Variants in WDR87 observed in about 807,000 individuals in gnomAD.
The protein encoded by WDR87 is WD repeat-containing protein 87.
Under a neutral mutation model 83.3 loss-of-function variants are expected in WDR87, and 56 were observed. The observed-to-expected ratio is 0.67, with a 90% CI of 0.54 to 0.84. The LOEUF is 0.84. Among genes scored for constraint, WDR87 ranks in the 40% least tolerant of loss-of-function variants. WDR87 has a pLI of 0.00. For missense variants in WDR87, 2,939 were observed against 3,431.9 expected, an observed-to-expected ratio of 0.86 and a Z score of 3.59; for synonymous variants, 1,173 against 1,250.6, an observed-to-expected ratio of 0.94 and a Z score of 1.31.
intron 2 of WDR87, among the ~76,000 whole-genome samples, chr19:37,897,238 A>C: frequency 2.5e-5 from 3 of 121,948 alleles, no homozygotes; most frequent in East Asian, 2.4e-4. Flanking sequence ...ACAAGATCTC[A>C]CTCTGTGGCC....
In WDR87 at chr19:37,888,113, T is replaced by G; in HGVS notation, c.5558A>C (p.Gln1853Pro). ...QLIEKKMKLA[Q>P]KRERWINSME... is the part of the protein sequence containing the mutation. ...GCTGTTGATCCATCTTTCCCTTTTTTGGGCCAGTTTCATCTTCTTCTCAAT... is the reference window on the plus strand; with the variant it reads ...GCTGTTGATCCATCTTTCCCTTTTTGGGGCCAGTTTCATCTTCTTCTCAAT... Residue 1853 changes from glutamine to proline, a missense_variant, in exon 6 of 6, where the codon CAA becomes CCA. Gln to Pro is a moderately conservative substitution (Grantham distance 76, BLOSUM62 -1). Around this residue, in one of 3 missense-constraint regions of WDR87, gnomAD observed 2,160 missense variants for 2,533.1 expected, o/e 0.85. Coordinates refer to ENST00000447313, the MANE Select transcript of WDR87 (RefSeq NM_001291088.2). The G allele has an allele frequency of 6.4e-7, 1 of 1,552,062 alleles. No homozygotes were observed. Among genetic ancestry groups the G allele is most frequent in the African/African-American group, 1.4e-5 (1 of 73,148 alleles).
chr19:37,889,144 G>A lies in WDR87; in HGVS notation c.4527C>T (p.Val1509=). Residue 1509 remains valine, a synonymous_variant, in exon 6 of 6, where the codon GTC becomes GTT. Coordinates refer to ENST00000447313, the MANE Select transcript of WDR87 (RefSeq NM_001291088.2). The stretch of plus-strand genomic sequence containing the variant: ...TCCAGGATTTCCTTGTCTCACCATG[G>A]ACCTGTTTCCACTCATCCCAGGCCT... The part of the protein sequence containing the change: ...WKKAWDEWKQ[V]HGETRKSWKA... The A allele has an allele frequency of 1.3e-6, 2 of 1,552,112 alleles. No individual in the cohort carries two copies. Among genetic ancestry groups the A allele is most frequent in the Non-Finnish European group, 1.7e-6 (2 of 1,147,108 alleles).
chr19:37,887,071 A>C lies in WDR87; in HGVS notation c.6600T>G (p.Thr2200=). 6.5e-7 allele frequency: 1 copy of C among 1,550,272 alleles called. No individual in the cohort carries two copies. The highest frequency in any genetic ancestry group is 8.7e-7 in the Non-Finnish European group (1 of 1,146,816). Reference sequence around the variant, plus strand: ...TTCTGGCCAATTTGCTCTCTTCCTCAGTCATTTTTTCTTCTTTGTTTATCA... The same window carrying C: ...TTCTGGCCAATTTGCTCTCTTCCTCCGTCATTTTTTCTTCTTTGTTTATCA... ...RRMINKEEKM[T]EEESKLARKH... The change falls in exon 6 of 6, where the codon ACT becomes ACG. Residue 2200 remains threonine (T), a synonymous_variant. Transcript: ENST00000447313.
Position 37,889,528 on chromosome 19 carries a change from C to T in WDR87, c.4143G>A (p.Val1381=). The change falls in exon 6 of 6, where the codon GTG becomes GTA. Residue 1381 remains valine (V), a synonymous_variant. Coordinates refer to ENST00000447313, the MANE Select transcript of WDR87 (RefSeq NM_001291088.2). ...VTQEVIRHKE[V]MPREEEQAQK... ...GTGCTTGTTCTTCTTCCCTTGGCAT[C>T]ACTTCCTTGTGTCTGATCACCTCTT... The T allele has an allele frequency of 6.4e-6, 10 of 1,551,760 alleles. No individual in the cohort carries two copies. Among genetic ancestry groups the T allele is most frequent in the Non-Finnish European group, 8.7e-6 (10 of 1,147,024 alleles).
Position 37,893,248 on chromosome 19 carries a change from CA to C in WDR87, c.2454del (p.Phe818LeufsTer11). ...YYFGHGREWL[F>X]APDCYIPNSV... ...GAATTGGGGATATAGCAGTCAGGGG[CA>C]AAAAGCCATTCCCGCCCATGACCAA... is the stretch of plus-strand genomic sequence containing the variant. On this transcript the variant is annotated frameshift_variant, in exon 4 of 6. Coordinates refer to ENST00000447313, the MANE Select transcript of WDR87 (RefSeq NM_001291088.2). LOFTEE classifies it high-confidence loss of function. The C allele has an allele frequency of 6.4e-7, 1 of 1,551,834 alleles. No homozygotes were observed. Among genetic ancestry groups the C allele is most frequent in the East Asian group, 2.4e-5 (1 of 40,918 alleles).
intron 4 of WDR87, 113 bp downstream of exon 4, chr19:37,892,465 A>G (rs2046214093): frequency 2.0e-6 from 2 of 1,024,696 alleles, no homozygotes; most frequent in East Asian, 2.6e-5. Flanking sequence ...AGCAAAGGCT[A>G]TGAGAAAGAA....
At position 37,895,144 on chromosome 19, in the gene WDR87, C is replaced by G; in HGVS notation, c.559G>C (p.Ala187Pro). 6.4e-7 allele frequency: 1 copy of G among 1,551,710 alleles called. No individual in the cohort carries two copies. Among genetic ancestry groups the G allele is most frequent in the East Asian group, 2.4e-5 (1 of 40,916 alleles). The change falls in exon 4 of 6, where the codon GCC (alanine) becomes CCC (proline). Residue 187 changes from alanine to proline, a missense_variant. Physicochemically the swap from Ala to Pro is conservative, Grantham distance 27. Transcript: ENST00000447313. ...TCACCTGGCATGGAGACCATGTGGG[C>G]TATTTGGAGGCCCGTGCCACCTAGC... ...IELGGTGLQI[A>P]HMVSMPGDEL... is the part of the protein sequence containing the mutation.
At position 37,893,547 on chromosome 19, in the gene WDR87, A is replaced by T; in HGVS notation, c.2156T>A (p.Ile719Asn). Residue 719 changes from isoleucine (I) to asparagine (N), a missense_variant, in exon 4 of 6, where the codon ATC (isoleucine) becomes AAC (asparagine). This residue lies in a region of WDR87 where 553 missense variants were observed against 577.9 expected (regional missense o/e 0.96). Coordinates refer to ENST00000447313, the MANE Select transcript of WDR87 (RefSeq NM_001291088.2). ...SFETMFVPKY[I>N]YPGQAQQKLV... ...TTTCTGTTGCGCTTGTCCAGGGTAG[A>T]TGTACTTGGGCACAAACATGGTCTC... The T allele has an allele frequency of 6.4e-7, 1 of 1,551,780 alleles. No homozygotes were observed. Among genetic ancestry groups the T allele is most frequent in the Non-Finnish European group, 8.7e-7 (1 of 1,147,036 alleles).
chr19:37,895,217 C>T lies in WDR87; in HGVS notation c.486G>A (p.Lys162=). 6.4e-7 allele frequency: 1 copy of T among 1,551,718 alleles called. No homozygotes were observed. The highest frequency in any genetic ancestry group is 2.4e-5 in the East Asian group (1 of 40,912). The change falls in exon 4 of 6, where the codon AAG becomes AAA. Residue 162 remains lysine (K), a synonymous_variant. Coordinates refer to ENST00000447313, the MANE Select transcript of WDR87 (RefSeq NM_001291088.2). ...CCCCCAGGATGCCAGACAGAAGCAT[C>T]TTCATTTCCGGGTCATAGCAGAGGC... ...ISCLCYDPEM[K]MLLSGILGAV... is the part of the protein sequence containing the mutation.
Position 37,895,234 on chromosome 19 carries a change from A to G in WDR87, c.469T>C (p.Tyr157His), listed in dbSNP as rs2046244349. ...PCRFNISCLC[Y>H]DPEMKMLLSG... ...AGAAGCATCTTCATTTCCGGGTCATAGCAGAGGCAGCTGATGTTGAAGCGG... is the reference window on the plus strand; with the variant it reads ...AGAAGCATCTTCATTTCCGGGTCATGGCAGAGGCAGCTGATGTTGAAGCGG... Residue 157 changes from tyrosine to histidine, a missense_variant, in exon 4 of 6, where the codon TAT becomes CAT. This residue lies in a region of WDR87 where 226 missense variants were observed against 320.9 expected (regional missense o/e 0.70). Coordinates refer to ENST00000447313, the MANE Select transcript of WDR87 (RefSeq NM_001291088.2). The G allele has an allele frequency of 6.4e-7, 1 of 1,551,574 alleles. No homozygotes were observed. Among genetic ancestry groups the G allele is most frequent in the African/African-American group, 1.4e-5 (1 of 73,028 alleles).
intron 1 of WDR87, among the ~76,000 whole-genome samples, chr19:37,904,935 A>G (rs756512704): frequency 1.3e-5 from 2 of 152,134 alleles, no homozygotes; most frequent in Non-Finnish European, 2.9e-5. Flanking sequence ...GATTTTAATT[A>G]ACTTAAATTG....
chr19:37,901,174 TG>T (rs2046291676), intron 1 of WDR87, among the ~76,000 whole-genome samples: 1 of 149,920 alleles, frequency 6.7e-6, no homozygotes. Context: ...GGCTCACGCC[TG>T]TAATCCCAGC....
rs759797892 is a variant in WDR87 at position 37,893,032 on chromosome 19, G to T, written c.2671C>A (p.Leu891Ile). The T allele has an allele frequency of 2.5e-5, 39 of 1,551,750 alleles. No individual in the cohort carries two copies. The highest frequency in any genetic ancestry group is 3.2e-5 in the Non-Finnish European group (37 of 1,147,004). Residue 891 changes from leucine to isoleucine, a missense_variant, in exon 4 of 6, where the codon CTT becomes ATT. Around this residue, in one of 3 missense-constraint regions of WDR87, gnomAD observed 2,160 missense variants for 2,533.1 expected, o/e 0.85. Coordinates refer to ENST00000447313, the MANE Select transcript of WDR87 (RefSeq NM_001291088.2). ...ACACTGTAGGTTACATCCTTGGAAAGTCTCATTTCTAGGAAGTGTTCATCC... is the reference window on the plus strand; with the variant it reads ...ACACTGTAGGTTACATCCTTGGAAATTCTCATTTCTAGGAAGTGTTCATCC... Reference protein sequence around the residue: ...EEDEHFLEMRLSKDVTYSVLT... With the variant: ...EEDEHFLEMRISKDVTYSVLT...
At position 37,892,620 on chromosome 19, in the gene WDR87, AGT is replaced by A; in HGVS notation, c.3081_3082del (p.Leu1029ThrfsTer46). On this transcript the variant is annotated frameshift_variant, in exon 4 of 6. Coordinates refer to ENST00000447313, the MANE Select transcript of WDR87 (RefSeq NM_001291088.2). LOFTEE classifies it high-confidence loss of function. The stretch of plus-strand genomic sequence containing the variant: ...CTCTTGTTTTTGGGTCAGCTGTAAG[AGT>A]GAGGTCCTAGAGTGGATTCCAATCT... The A allele has an allele frequency of 6.5e-7, 1 of 1,527,850 alleles. No individual in the cohort carries two copies. The allele number at this position is 1,527,850 out of a possible 1,614,324, so 94.6% of individuals were successfully genotyped here.
Position 37,895,094 on chromosome 19 carries a change from C to G in WDR87, c.609G>C (p.Leu203=). Residue 203 remains leucine (L), a synonymous_variant, in exon 4 of 6, where the codon CTG becomes CTC. Coordinates refer to ENST00000447313, the MANE Select transcript of WDR87 (RefSeq NM_001291088.2). ...CCAGGAGGGAGCCACTGGGACCATT[C>G]AGCACGATGTCCTGGACAAGCTCAT... ...PGDELVQDIV[L]NGPSGSLLAL... 1 of 1,551,706 alleles carries G rather than the reference C, an allele frequency of 6.4e-7. No individual in the cohort carries two copies. Among genetic ancestry groups the G allele is most frequent in the Non-Finnish European group, 8.7e-7 (1 of 1,146,978 alleles).
Position 37,894,628 on chromosome 19 carries a change from T to G in WDR87, c.1075A>C (p.Asn359His). The G allele has an allele frequency of 6.4e-7, 1 of 1,551,644 alleles. No individual in the cohort carries two copies. Among genetic ancestry groups the G allele is most frequent in the South Asian group, 1.2e-5 (1 of 84,048 alleles). Residue 359 changes from asparagine to histidine, a missense_variant, in exon 4 of 6, where the codon AAT (asparagine) becomes CAT (histidine). Asn to His is a moderately conservative substitution (Grantham distance 68). Transcript: ENST00000447313. ...TGCTGGGGAGCAGAGCCACAGACAT[T>G]GAAGAGGCTGTAGAAGCAGGGCAGG... ...HRLPCFYSLFNVCGSAPQQLR... is the reference protein window; with the variant it reads ...HRLPCFYSLFHVCGSAPQQLR...
At position 37,886,934 on chromosome 19, in the gene WDR87, T is replaced by C. The variant is rs751841470; in HGVS notation, c.6737A>G (p.Asp2246Gly). The change falls in exon 6 of 6, where the codon GAC (aspartate) becomes GGC (glycine). Residue 2246 changes from aspartate (D) to glycine (G), a missense_variant. By Grantham distance (94) the Asp-to-Gly change is moderately conservative (BLOSUM62 -1). Transcript: ENST00000447313. ...WRKRKEAKRGDKPKEKFSSQV... is the reference protein window; with the variant it reads ...WRKRKEAKRGGKPKEKFSSQV... ...ACTGGAAAACTTTTCTTTTGGTTTG[T>C]CACCTCTCTTGGCCTCTTTCCTCTT... The C allele has an allele frequency of 9.7e-6, 15 of 1,551,814 alleles. No individual in the cohort carries two copies. The highest frequency in any genetic ancestry group is 1.3e-5 in the Non-Finnish European group (15 of 1,147,022).
rs1218212675 is a variant in WDR87 at position 37,893,062 on chromosome 19, C to G, written c.2641G>C (p.Glu881Gln). The G allele has an allele frequency of 6.4e-6, 10 of 1,551,636 alleles. No homozygotes were observed. In the Admixed American group the frequency reaches 1.8e-4, roughly 27 times the overall value. ...ISNTEYPKNK[E>Q]EDEHFLEMRL... ...ATTTCTAGGAAGTGTTCATCCTCCT[C>G]CTTATTCTTTGGATATTCTGTATTA... Residue 881 changes from glutamate (E) to glutamine (Q), a missense_variant, in exon 4 of 6, where the codon GAG becomes CAG. By Grantham distance (29) the Glu-to-Gln change is conservative. Coordinates refer to ENST00000447313, the MANE Select transcript of WDR87 (RefSeq NM_001291088.2).
chr19:37,890,079 C>G lies in WDR87; in HGVS notation c.3592G>C (p.Asp1198His). Residue 1198 changes from aspartate to histidine, a missense_variant, in exon 6 of 6, where the codon GAT (aspartate) becomes CAT (histidine). By Grantham distance (81) the Asp-to-His change is moderately conservative. Around this residue, in one of 3 missense-constraint regions of WDR87, gnomAD observed 2,160 missense variants for 2,533.1 expected, o/e 0.85. Transcript: ENST00000447313. ...AATGCAATGTGATCCTTCGAGATATCTTTCTCTTGAGAATCAACATCTTTT... is the reference window on the plus strand; with the variant it reads ...AATGCAATGTGATCCTTCGAGATATGTTTCTCTTGAGAATCAACATCTTTT... Reference protein sequence around the residue: ...LSKDVDSQEKDISKDHIALTL... With the variant: ...LSKDVDSQEKHISKDHIALTL... 2 of 1,551,806 alleles carry G rather than the reference C, an allele frequency of 1.3e-6. No homozygotes were observed. Among genetic ancestry groups the G allele is most frequent in the South Asian group, 1.2e-5 (1 of 84,054 alleles).
Sources: gnomAD v4.1 joint callset for allele counts (sites outside exome capture counted in the v4.1 genomes callset) on GRCh38, gnomAD v4.1.1 for gene constraint, gnomAD v4.1.1 regional missense constraint, MANE v1.5 for transcripts, NCBI Gene and HGNC (gene_info 2026-07-23, HGNC 2026-07-21) for gene names.